Variants in AKT3 observed in about 807,000 individuals in gnomAD.
The protein encoded by AKT3 is AKT serine/threonine kinase 3.
In AKT3, 15 loss-of-function variants were observed where a neutral mutation model predicts 65.3. That is an observed-to-expected ratio of 0.23 (90% confidence interval 0.15 to 0.35). The LOEUF (loss-of-function observed/expected upper bound fraction) is 0.35, where lower values mean the gene tolerates loss of function less well. AKT3 is among the 10% of genes least tolerant of loss of function. The pLI, the probability that AKT3 is intolerant of heterozygous loss-of-function variation, is 1.00. For missense variants in AKT3, 243 were observed against 576.5 expected (o/e 0.42, Z 5.92); for synonymous variants, 206 against 183.8 (o/e 1.12, Z -0.98).
At chr1:243,506,195 T>C (rs1183881286) in intron 13 of AKT3, among the ~76,000 whole-genome samples, 1 of 152,262 alleles carries the variant, frequency 6.6e-6, no homozygotes, top group African/African-American at 2.4e-5. Flanking sequence ...CGCAGAACTT[T>C]GAACAAAGTC....
intron 2 of AKT3, among the ~76,000 whole-genome samples, chr1:243,813,650 A>G (rs990587808): frequency 6.6e-6 from 1 of 152,200 alleles, no homozygotes; most frequent in Admixed American, 6.5e-5. Context: ...ATAAACTTTT[A>G]TGGACTACCA....
intron 12 of AKT3, among the ~76,000 whole-genome samples, chr1:243,535,953 T>C (rs1440569275): frequency 2.6e-5 from 4 of 152,204 alleles, no homozygotes; most frequent in African/African-American, 9.6e-5. Context: ...GTGGTTTTAT[T>C]TGGTAGTTTC....
chr1:243,778,499 T>C (rs139094981), intron 2 of AKT3, among the ~76,000 whole-genome samples: 3 of 152,264 alleles, frequency 2.0e-5, no homozygotes, highest in Non-Finnish European at 2.9e-5. Context: ...TCAGTGTCAC[T>C]AGAATGTAAA....
intron 8 of AKT3, 67 bp from the exon 9 acceptor site, chr1:243,573,115 C>G: frequency 7.1e-6 from 11 of 1,546,814 alleles, no homozygotes; most frequent in Non-Finnish European, 9.8e-6. Context: ...TTAACACAAA[C>G]ATAAAACACC....
At chr1:243,681,400 G>C (rs1007033290) in intron 3 of AKT3, among the ~76,000 whole-genome samples, 2 of 152,096 alleles carry the variant, frequency 1.3e-5, no homozygotes, top group African/African-American at 4.8e-5. Context: ...AAGGACTTTA[G>C]AGATCCTTCA....
chr1:243,778,087 C>A (rs1316591917), intron 2 of AKT3, among the ~76,000 whole-genome samples: 1 of 152,186 alleles, frequency 6.6e-6, no homozygotes, highest in East Asian at 1.9e-4. Flanking sequence ...TATTACCTCA[C>A]TTAGTACACT....
intron 9 of AKT3, among the ~76,000 whole-genome samples, chr1:243,564,107 G>T (rs1673989020): frequency 6.6e-6 from 1 of 152,082 alleles, no homozygotes; most frequent in African/African-American, 2.4e-5. Flanking sequence ...CCATTATTTT[G>T]TAAGTTCTGA....
chr1:243,649,313 ATGTGTGTGTG>A (rs55765060), intron 4 of AKT3, among the ~76,000 whole-genome samples: 6,848 of 145,638 alleles, frequency 0.047, 336 homozygotes, highest in African/African-American at 0.12. Flanking sequence ...TTATGTGTAT[ATGTGTGTGTG>A]TGTGTGTGTG....
At chr1:243,741,873 CATGAAAAGGACTT>C (rs1239967536) in intron 2 of AKT3, 4 of 151,922 alleles carry the variant, frequency 2.6e-5, no homozygotes, top group Admixed American at 2.6e-4. Flanking sequence ...AGAAATTAAA[CATGAAAAGGACTT>C]TATTTTTCTC....
At chr1:243,703,129 C>A (rs1358345826) in intron 2 of AKT3, 1 of 152,056 alleles carries the variant, frequency 6.6e-6, no homozygotes, top group African/African-American at 2.4e-5. Context: ...TATTTAGTTG[C>A]CTGTTGACAG....
intron 1 of AKT3, among the ~76,000 whole-genome samples, chr1:243,848,567 T>C (rs1695612187): frequency 6.6e-6 from 1 of 152,210 alleles, no homozygotes; most frequent in African/African-American, 2.4e-5. Flanking sequence ...ACCAATGAGT[T>C]TCACTCATTT....
intron 5 of AKT3, among the ~76,000 whole-genome samples, chr1:243,639,450 C>A (rs1680213481): frequency 6.6e-6 from 1 of 152,038 alleles, no homozygotes; most frequent in African/African-American, 2.4e-5. Flanking sequence ...TCACAAAGAC[C>A]CTGCTGGTAA....
intron 12 of AKT3, among the ~76,000 whole-genome samples, chr1:243,528,381 A>AT (rs1321291761): frequency 6.6e-6 from 1 of 152,150 alleles, no homozygotes; most frequent in African/African-American, 2.4e-5. Flanking sequence ...GGAAAACTGC[A>AT]TATCATGGGG....
chr1:243,725,346 C>T (rs1687146538), intron 2 of AKT3, among the ~76,000 whole-genome samples: 1 of 152,100 alleles, frequency 6.6e-6, no homozygotes, highest in African/African-American at 2.4e-5. Context: ...TGAGCTATAA[C>T]TTGAAGGGTT....
chr1:243,585,328 AG>A (rs1675713542), intron 8 of AKT3, among the ~76,000 whole-genome samples: 2 of 152,268 alleles, frequency 1.3e-5, no homozygotes, highest in East Asian at 3.9e-4. Flanking sequence ...AGCAATCTAC[AG>A]ATTCAAGGCT....
In AKT3 at chr1:243,843,867, G is replaced by T. The variant is rs757234540; in HGVS notation, c.-112-585C>A. On this transcript the variant is annotated intron_variant, in intron 1 of 13. Transcript: ENST00000673466. Reference sequence around the variant, plus strand: ...GGGTTTCACCATATTGGCCAGGCTGGTCTCAAACTCCTGACCTCATGATCC... The same window carrying T: ...GGGTTTCACCATATTGGCCAGGCTGTTCTCAAACTCCTGACCTCATGATCC... Among the ~76,000 whole-genome samples, 69 of 151,898 alleles carry T rather than the reference G, an allele frequency of 4.5e-4. 1 individual carries two copies. The highest frequency in any genetic ancestry group is 3.4e-3 in the Middle Eastern group (1 of 294).
chr1:243,497,341 G>GC (rs949853933), downstream of AKT3, among the ~76,000 whole-genome samples: 2 of 149,996 alleles, frequency 1.3e-5, no homozygotes, highest in African/African-American at 2.5e-5. Flanking sequence ...CACGGGTGGG[G>GC]GGGGGGGCGT....
At chr1:243,750,368 C>G (rs1333670065) in intron 2 of AKT3, among the ~76,000 whole-genome samples, 1 of 149,806 alleles carries the variant, frequency 6.7e-6, no homozygotes, top group East Asian at 2.0e-4. Flanking sequence ...TGTATGCCTC[C>G]TTCTCCCACC....
intron 11 of AKT3, among the ~76,000 whole-genome samples, chr1:243,551,870 C>T (rs1408809879): frequency 6.6e-6 from 1 of 152,022 alleles, no homozygotes; most frequent in Admixed American, 6.5e-5. Flanking sequence ...AACAAAGCAG[C>T]AAGAGCCATA....
Sources: allele counts gnomAD v4.1 joint callset (sites outside exome capture counted in the v4.1 genomes callset), GRCh38; gene constraint gnomAD v4.1.1; transcripts MANE v1.5; gene names NCBI Gene and HGNC (gene_info 2026-07-23, HGNC 2026-07-21).